GALNT10: variants seen among roughly 807,000 people sequenced by gnomAD.
The protein encoded by GALNT10 is GalNAc transferase 10.
A neutral mutation model predicts 75.0 loss-of-function variants in GALNT10; 41 were observed. The observed-to-expected ratio is 0.55, with a 90% CI of 0.43 to 0.71. The LOEUF is 0.71. GALNT10 is among the 30% of genes least tolerant of loss of function. GALNT10 has a pLI of 0.00. For missense variants in GALNT10, 727 were observed against 818.5 expected, an observed-to-expected ratio of 0.89 and a Z score of 1.36; for synonymous variants, 302 against 313.0, an observed-to-expected ratio of 0.96 and a Z score of 0.37.
At chr5:154,253,117 T>C (rs1014404521) in intron 1 of GALNT10, among the ~76,000 whole-genome samples, 6 of 151,690 alleles carry the variant, frequency 4.0e-5, no homozygotes, top group South Asian at 2.1e-4. Flanking sequence ...TTAACTTACG[T>C]CGTATACCTT....
intron 1 of GALNT10, chr5:154,219,817 C>CTG (rs1752944855): frequency 1.3e-5 from 1 of 75,624 alleles, no homozygotes; most frequent in Non-Finnish European, 2.9e-5. Context: ...CTCGCGCTCT[C>CTG]TCTCTCTCTC....
intron 3 of GALNT10, among the ~76,000 whole-genome samples, chr5:154,311,522 A>G (rs1179261574): frequency 6.6e-6 from 1 of 152,126 alleles, no homozygotes; most frequent in Non-Finnish European, 1.5e-5. Flanking sequence ...GGCTCGACCT[A>G]GATCCAAGCC....
chr5:154,323,912 C>T (rs1754714022), intron 3 of GALNT10, among the ~76,000 whole-genome samples: 1 of 152,230 alleles, frequency 6.6e-6, no homozygotes, highest in Non-Finnish European at 1.5e-5. Context: ...TCCACCTTCT[C>T]CTGGCCACCG....
chr5:154,394,331 A>C (rs1234462789), intron 7 of GALNT10, among the ~76,000 whole-genome samples: 1 of 139,516 alleles, frequency 7.2e-6, no homozygotes, highest in Non-Finnish European at 1.5e-5. Flanking sequence ...AAAAAAAAAA[A>C]AAAAAACTCT....
In GALNT10 at chr5:154,415,941, G is replaced by A. The variant is rs1561688764; in HGVS notation, c.1653+9G>A. 1 of 1,612,658 alleles carries A rather than the reference G, an allele frequency of 6.2e-7. No individual in the cohort carries two copies. Among genetic ancestry groups the A allele is most frequent in the Non-Finnish European group, 8.5e-7 (1 of 1,179,078 alleles). ...TGTGGAAATACCGCAAAGTAAGATG[G>A]GATGCGGGGGGAGCAGGGCACCTGC... On this transcript the variant is annotated intron_variant, in intron 11 of 11. Coordinates refer to ENST00000297107, the MANE Select transcript of GALNT10 (RefSeq NM_198321.4).
intron 7 of GALNT10, among the ~76,000 whole-genome samples, chr5:154,396,066 G>A (rs1158868304): frequency 6.6e-6 from 1 of 152,170 alleles, no homozygotes; most frequent in East Asian, 1.9e-4. Context: ...TTGGTTGGCA[G>A]GTTGGCCAAC....
intron 8 of GALNT10, among the ~76,000 whole-genome samples, chr5:154,408,411 C>G (rs1035887281): frequency 1.3e-5 from 2 of 152,186 alleles, no homozygotes; most frequent in African/African-American, 4.8e-5. Context: ...GGGGGGACAA[C>G]AGCCAGGGGT....
intron 4 of GALNT10, chr5:154,337,378 G>A: frequency 1.8e-6 from 1 of 555,730 alleles, no homozygotes; most frequent in Admixed American, 2.4e-5. Flanking sequence ...ATTGTGCTTG[G>A]CTGAGTTCAC....
At chr5:154,308,226 C>T (rs1390021149) in intron 3 of GALNT10, among the ~76,000 whole-genome samples, 5 of 151,718 alleles carry the variant, frequency 3.3e-5, no homozygotes, top group African/African-American at 7.3e-5. Context: ...CCAACCATTG[C>T]GGCATTCAAA....
At chr5:154,226,108 A>G (rs1171489994) in intron 1 of GALNT10, among the ~76,000 whole-genome samples, 2 of 152,086 alleles carry the variant, frequency 1.3e-5, no homozygotes, top group African/African-American at 4.8e-5. Flanking sequence ...TATTGTGCAC[A>G]TGTACCATAA....
At chr5:154,380,711 C>G (rs577660646) in intron 6 of GALNT10, 80 bp downstream of exon 6, 1 of 950,302 alleles carries the variant, frequency 1.1e-6, no homozygotes, top group South Asian at 1.6e-5. Flanking sequence ...GGATCGCCAT[C>G]TCCCTTAAAA....
intron 1 of GALNT10, among the ~76,000 whole-genome samples, chr5:154,192,654 G>A (rs531024491): frequency 2.8e-4 from 42 of 152,226 alleles, no homozygotes; most frequent in Middle Eastern, 3.4e-3. Context: ...GGAATACAAC[G>A]GTCCCTTCTT....
chr5:154,199,785 G>A (rs926626197), intron 1 of GALNT10, among the ~76,000 whole-genome samples: 3 of 152,268 alleles, frequency 2.0e-5, no homozygotes, highest in African/African-American at 4.8e-5. Context: ...AGAGAGTGTG[G>A]AGTTGGGAAC....
intron 7 of GALNT10, among the ~76,000 whole-genome samples, chr5:154,390,571 C>A (rs1253796980): frequency 6.6e-6 from 1 of 152,154 alleles, no homozygotes; most frequent in African/African-American, 2.4e-5. Flanking sequence ...AACTTTAATT[C>A]TTTAAAAGCT....
intron 1 of GALNT10, among the ~76,000 whole-genome samples, chr5:154,209,734 C>T (rs1407125870): frequency 6.6e-6 from 1 of 152,142 alleles, no homozygotes; most frequent in Non-Finnish European, 1.5e-5. Flanking sequence ...CTTGTAATAC[C>T]GTCACCTTGG....
rs1754812650 is a variant in GALNT10 at position 154,329,660 on chromosome 5, A to G, written c.490A>G (p.Thr164Ala). 1.2e-6 allele frequency: 2 copies of G among 1,613,316 alleles called. No individual in the cohort carries two copies. The highest frequency in any genetic ancestry group is 1.1e-5 in the South Asian group (1 of 91,064). ...HNEGWSSLLR[T>A]VHSVLNRSPP... ...CGAGGGCTGGTCCTCCCTCCTCCGC[A>G]CCGTCCACAGTGTGCTCAATCGCTC... The change falls in exon 4 of 12, where the codon ACC becomes GCC. Residue 164 changes from threonine to alanine, a missense_variant. Thr to Ala is a moderately conservative substitution (Grantham distance 58, BLOSUM62 0). Coordinates refer to ENST00000297107, the MANE Select transcript of GALNT10 (RefSeq NM_198321.4).
At chr5:154,368,803 A>G (rs1465235106) in intron 4 of GALNT10, among the ~76,000 whole-genome samples, 3 of 152,248 alleles carry the variant, frequency 2.0e-5, no homozygotes, top group Non-Finnish European at 2.9e-5. Context: ...CCTGCTGTTT[A>G]TATTTACCTG....
At chr5:154,203,149 T>C (rs910217328) in intron 1 of GALNT10, among the ~76,000 whole-genome samples, 1 of 152,192 alleles carries the variant, frequency 6.6e-6, no homozygotes, top group African/African-American at 2.4e-5. Flanking sequence ...CTCTGTGACT[T>C]GTATGGACTC....
At chr5:154,232,704 C>A (rs572927897) in intron 1 of GALNT10, among the ~76,000 whole-genome samples, 1 of 152,314 alleles carries the variant, frequency 6.6e-6, no homozygotes, top group South Asian at 2.1e-4. Flanking sequence ...CTGCAAAGGG[C>A]TGTCTTGCTT....
Sources: gnomAD v4.1 joint callset for allele counts (sites outside exome capture counted in the v4.1 genomes callset) on GRCh38, gnomAD v4.1.1 for gene constraint, MANE v1.5 for transcripts, NCBI Gene and HGNC (gene_info 2026-07-23, HGNC 2026-07-21) for gene names.